PHLDB2: variants seen among roughly 807,000 people sequenced by gnomAD.
PHLDB2 encodes the protein pleckstrin homology like domain family B member 2.
Under a neutral mutation model 123.6 loss-of-function variants are expected in PHLDB2, and 71 were observed. The ratio of observed to expected loss-of-function variants is 0.57; its 90% CI spans 0.47 to 0.70. PHLDB2 has a LOEUF of 0.70. Among genes scored for constraint, PHLDB2 ranks in the 30% least tolerant of loss-of-function variants. The probability of loss-of-function intolerance (pLI) is 0.00; values close to 1 mark genes in which losing one functional copy is unlikely to be tolerated. For missense variants in PHLDB2, 1,446 were observed against 1,519.5 expected, an observed-to-expected ratio of 0.95 and a Z score of 0.80; for synonymous variants, 547 against 541.6, an observed-to-expected ratio of 1.01 and a Z score of -0.14.
chr3:111,855,202 G>A (rs2064426942), upstream of PHLDB2, among the ~76,000 whole-genome samples: 1 of 152,110 alleles, frequency 6.6e-6, no homozygotes, highest in Non-Finnish European at 1.5e-5. Context: ...AGAGGGTGAA[G>A]GACACAGGAA....
chr3:111,794,238 G>A (rs910650123), intron 1 of PHLDB2, among the ~76,000 whole-genome samples: 6 of 148,652 alleles, frequency 4.0e-5, no homozygotes, highest in Admixed American at 6.6e-5. Context: ...GACACTTGCC[G>A]ATTTCTGCCC....
chr3:111,811,433 A>T (rs548109293), intron 1 of PHLDB2, among the ~76,000 whole-genome samples: 1 of 152,296 alleles, frequency 6.6e-6, no homozygotes, highest in South Asian at 2.1e-4. Flanking sequence ...CTCACTGGCA[A>T]ATTAAAGGGT....
intron 2 of PHLDB2, among the ~76,000 whole-genome samples, chr3:111,854,226 C>T (rs2064385260): frequency 1.3e-5 from 2 of 152,142 alleles, no homozygotes; most frequent in African/African-American, 4.8e-5. Flanking sequence ...GGGAAACTGC[C>T]CCCAAGATCC....
At chr3:111,898,634 C>T (rs2067016141) in intron 2 of PHLDB2, among the ~76,000 whole-genome samples, 1 of 152,200 alleles carries the variant, frequency 6.6e-6, no homozygotes, top group Admixed American at 6.5e-5. Context: ...CCTCTCAGTC[C>T]CTGCCACTGC....
rs181760406 is a variant in PHLDB2, at chr3:111,943,627, G to A, written c.2398-1641G>A. On this transcript the variant is annotated intron_variant, in intron 8 of 17. Transcript: ENST00000431670. ...TACCAAAGAACGTATATGAAGAACCGAAAAGTTACATGGGAAAATACTCAT... is the reference window on the plus strand; with the variant it reads ...TACCAAAGAACGTATATGAAGAACCAAAAAGTTACATGGGAAAATACTCAT... Among the ~76,000 whole-genome samples, 25 of 151,946 alleles carry A rather than the reference G, an allele frequency of 1.6e-4. No individual in the cohort carries two copies. In the East Asian group the frequency reaches 4.8e-3, roughly 29 times the overall value.
chr3:111,830,550 C>T (rs111890676), intron 1 of PHLDB2, among the ~76,000 whole-genome samples: 22,451 of 145,790 alleles, frequency 0.15, 3,577 homozygotes, highest in African/African-American at 0.4. Context: ...TGGCTCACGC[C>T]TGTAATCCCA....
At chr3:111,890,805 T>C (rs2107367858) in intron 2 of PHLDB2, among the ~76,000 whole-genome samples, 1 of 152,344 alleles carries the variant, frequency 6.6e-6, no homozygotes, top group African/African-American at 2.4e-5. Flanking sequence ...AACCTCCAGC[T>C]GCTGTGCTAT....
At chr3:111,835,837 G>A (rs961930801) in intron 1 of PHLDB2, among the ~76,000 whole-genome samples, 1 of 152,184 alleles carries the variant, frequency 6.6e-6, no homozygotes, top group Non-Finnish European at 1.5e-5. Flanking sequence ...TCAGGGCCTA[G>A]GTTCCAAGGG....
chr3:111,857,212 G>A (rs1325395406), upstream of PHLDB2, among the ~76,000 whole-genome samples: 5 of 152,278 alleles, frequency 3.3e-5, no homozygotes, highest in Middle Eastern at 3.4e-3. Context: ...AACACTTAGG[G>A]TGGCGGAGGC....
intron 1 of PHLDB2, among the ~76,000 whole-genome samples, chr3:111,863,616 C>A (rs1382124234): frequency 1.3e-5 from 2 of 152,192 alleles, no homozygotes; most frequent in East Asian, 3.8e-4. Context: ...GAATCTTTTC[C>A]CTCCAACCAA....
At chr3:111,900,950 G>A (rs2067159412) in intron 2 of PHLDB2, among the ~76,000 whole-genome samples, 2 of 151,750 alleles carry the variant, frequency 1.3e-5, no homozygotes, top group African/African-American at 2.4e-5. Context: ...TGATGAGGCT[G>A]GCTTCAAGCG....
chr3:111,953,944 A>G lies in PHLDB2; in HGVS notation c.2787A>G (p.Leu929=). ...RSITPKAHLP[L]GQSNSCGSVL... Reference sequence around the variant, plus strand: ...GCTTCCCGCAGGCCCATCTGCCCCTAGGACAGAGTAACAGCTGTGGAAGTG... The same window carrying G: ...GCTTCCCGCAGGCCCATCTGCCCCTGGGACAGAGTAACAGCTGTGGAAGTG... The change falls in exon 12 of 18, where the codon CTA becomes CTG. Residue 929 remains leucine (L), a synonymous_variant. Transcript: ENST00000431670. 2 of 1,613,632 alleles carry G rather than the reference A, an allele frequency of 1.2e-6. No individual in the cohort carries two copies. The highest frequency in any genetic ancestry group is 8.5e-7 in the Non-Finnish European group (1 of 1,179,708).
intron 1 of PHLDB2, among the ~76,000 whole-genome samples, chr3:111,871,178 T>C (rs1011009516): frequency 1.1e-4 from 17 of 152,214 alleles, no homozygotes; most frequent in African/African-American, 3.6e-4. Context: ...GCAGTGTCTG[T>C]ATATGACAGT....
intron 1 of PHLDB2, chr3:111,859,891 C>CG (rs141345139): frequency 0.14 from 134,861 of 985,332 alleles, 9,708 homozygotes; most frequent in Non-Finnish European, 0.15. Flanking sequence ...GAGTGGGCTC[C>CG]GGGGACACAG....
At chr3:111,827,536 G>A (rs2062719748) in intron 1 of PHLDB2, among the ~76,000 whole-genome samples, 1 of 152,068 alleles carries the variant, frequency 6.6e-6, no homozygotes, top group African/African-American at 2.4e-5. Flanking sequence ...TTAGCCGGGT[G>A]TTGTGGCAGG....
At chr3:111,965,864 G>T (rs774862) in intron 13 of PHLDB2, among the ~76,000 whole-genome samples, 26,246 of 152,090 alleles carry the variant, frequency 0.17, 2,651 homozygotes, top group African/African-American at 0.27. Flanking sequence ...CACTTTGTCT[G>T]TTAGTTACCC....
chr3:111,787,554 G>A (rs1559831141), intron 1 of PHLDB2, among the ~76,000 whole-genome samples: 1 of 152,138 alleles, frequency 6.6e-6, no homozygotes, highest in Non-Finnish European at 1.5e-5. Flanking sequence ...ACCCTTTCAA[G>A]CTAGAATTGG....
chr3:111,911,748 T>G, intron 2 of PHLDB2: 1 of 1,519,828 alleles, frequency 6.6e-7, no homozygotes, highest in South Asian at 1.2e-5. Flanking sequence ...GGAACTAGTT[T>G]ATTAGTCCTT....
chr3:111,873,134 G>GT (rs1244367862), intron 1 of PHLDB2, among the ~76,000 whole-genome samples: 2 of 152,240 alleles, frequency 1.3e-5, no homozygotes, highest in African/African-American at 4.8e-5. Context: ...CTAAGATGTG[G>GT]TTTATTATTT....
Sources: gnomAD v4.1 joint callset for allele counts (sites outside exome capture counted in the v4.1 genomes callset) on GRCh38, gnomAD v4.1.1 for gene constraint, MANE v1.5 for transcripts, NCBI Gene and HGNC (gene_info 2026-07-23, HGNC 2026-07-21) for gene names.